MICU3: variants seen among roughly 807,000 people sequenced by gnomAD.
MICU3 encodes the protein calcium uptake protein 3, mitochondrial.
In MICU3, 62 loss-of-function variants were observed where a neutral mutation model predicts 66.5. That is an observed-to-expected ratio of 0.93 (90% CI 0.76 to 1.15). The LOEUF (loss-of-function observed/expected upper bound fraction) is 1.15, where lower values mean the gene tolerates loss of function less well. Ranked by LOEUF, MICU3 falls within the 50% of genes most tolerant of loss-of-function variation. MICU3 has a pLI of 0.00. For missense variants in MICU3, 779 were observed against 664.4 expected (o/e 1.17, Z -1.90); for synonymous variants, 308 against 240.7 (o/e 1.28, Z -2.59).
At chr8:17,088,676 C>T (rs1415339754) in intron 7 of MICU3, among the ~76,000 whole-genome samples, 1 of 151,772 alleles carries the variant, frequency 6.6e-6, no homozygotes, top group East Asian at 1.9e-4. Context: ...ACTTACACAT[C>T]TTCCAGTAAA....
the MICU3 span, among the ~76,000 whole-genome samples, chr8:17,134,431 T>TTTCG: frequency 2.7e-5 from 4 of 148,618 alleles, no homozygotes; most frequent in Non-Finnish European, 4.5e-5. Context: ...AAAGTCAGCC[T>TTTCG]TTTGTTTGTT....
chr8:17,086,649 C>G (rs968101296), intron 6 of MICU3, among the ~76,000 whole-genome samples: 1 of 152,082 alleles, frequency 6.6e-6, no homozygotes, highest in Admixed American at 6.6e-5. Flanking sequence ...CAAGTTCCAT[C>G]CCCCTGACTT....
At position 17,098,544 on chromosome 8, in the gene MICU3, C is replaced by T. The variant is rs747691787; in HGVS notation, c.975C>T (p.Asp325=). ...ACACAAGCCAAGCACTGTTTTCAGA[C>T]CTCGCAGAGGTATAATTAAACCTCA... ...RRNTSQALFS[D]LAERADDITS... Residue 325 remains aspartate (D), a synonymous_variant, in exon 9 of 15, where the codon GAC becomes GAT. Transcript: ENST00000318063. 1.9e-6 allele frequency: 3 copies of T among 1,606,212 alleles called. No individual in the cohort carries two copies. The highest frequency in any genetic ancestry group is 2.6e-6 in the Non-Finnish European group (3 of 1,173,372).
intron 8 of MICU3, 54 bp from the exon 9 acceptor site, chr8:17,098,401 TATC>T (rs1800951465): frequency 1.8e-6 from 2 of 1,098,494 alleles, no homozygotes; most frequent in South Asian, 2.5e-5. Context: ...GTGTATAAAT[TATC>T]ATTCTTTGTA....
intron 1 of MICU3, among the ~76,000 whole-genome samples, chr8:17,041,586 G>A (rs1814106473): frequency 6.6e-6 from 1 of 152,008 alleles, no homozygotes. Flanking sequence ...TGAGGGACAT[G>A]GAATTGATTT....
chr8:17,134,451 G>A, the MICU3 span, among the ~76,000 whole-genome samples: 9 of 151,570 alleles, frequency 5.9e-5, no homozygotes, highest in African/African-American at 2.2e-4. Context: ...TTGTTTGTTT[G>A]TTTGTTTGTT....
At chr8:17,109,022 T>C (rs1324333605) in intron 11 of MICU3, among the ~76,000 whole-genome samples, 1 of 152,142 alleles carries the variant, frequency 6.6e-6, no homozygotes, top group Non-Finnish European at 1.5e-5. Context: ...TGGCTCGTTA[T>C]GCTATTTCTC....
intron 13 of MICU3, among the ~76,000 whole-genome samples, 165 bp downstream of exon 13, chr8:17,116,765 G>T (rs1225803234): frequency 1.3e-5 from 2 of 152,086 alleles, no homozygotes; most frequent in Non-Finnish European, 2.9e-5. Context: ...AAAACAATTT[G>T]AGGTGATAAA....
chr8:17,115,249 T>C (rs1802577137), intron 12 of MICU3, among the ~76,000 whole-genome samples: 1 of 152,228 alleles, frequency 6.6e-6, no homozygotes, highest in African/African-American at 2.4e-5. Flanking sequence ...CATGTGGCCT[T>C]ATTCATTTAT....
At chr8:17,074,137 C>G (rs745809432) in intron 3 of MICU3, among the ~76,000 whole-genome samples, 2 of 151,662 alleles carry the variant, frequency 1.3e-5, no homozygotes, top group African/African-American at 2.4e-5. Flanking sequence ...CCGCCCGCCT[C>G]GGCCTCCCAA....
rs78699125 is a variant in MICU3 at position 17,044,110 on chromosome 8, C to T, written c.381+16450C>T. Among the ~76,000 whole-genome samples the T allele has an allele frequency of 8.7e-3, 1,326 of 152,206 alleles. 45 individuals carry two copies. The highest frequency in any genetic ancestry group is 0.071 in the East Asian group (365 of 5,168). On this transcript the variant is annotated intron_variant, in intron 1 of 14. Coordinates refer to ENST00000318063, the MANE Select transcript of MICU3 (RefSeq NM_181723.3). ...GAGAGCAACAATTTGTGTCTTTGTTCCTATACCCACACCTTTCACATAGCA... is the reference window on the plus strand; with the variant it reads ...GAGAGCAACAATTTGTGTCTTTGTTTCTATACCCACACCTTTCACATAGCA...
the MICU3 span, among the ~76,000 whole-genome samples, chr8:17,130,902 T>C: frequency 2.6e-5 from 4 of 152,228 alleles, no homozygotes; most frequent in African/African-American, 9.6e-5. Flanking sequence ...TTAATCAGTT[T>C]TTAATGAAGA....
At chr8:17,101,794 A>T (rs547214416) in intron 9 of MICU3, among the ~76,000 whole-genome samples, 1 of 151,870 alleles carries the variant, frequency 6.6e-6, no homozygotes, top group South Asian at 2.1e-4. Context: ...AAGAAGTAAG[A>T]GTGTATGATG....
chr8:17,112,658 TTA>T (rs1278758574), intron 11 of MICU3, among the ~76,000 whole-genome samples: 1 of 152,228 alleles, frequency 6.6e-6, no homozygotes, highest in Non-Finnish European at 1.5e-5. Flanking sequence ...ATGTTGAACA[TTA>T]TAGTCTGTCA....
chr8:17,104,318 T>C (rs929273678), intron 9 of MICU3, 73 bp from the exon 10 acceptor site: 10 of 637,694 alleles, frequency 1.6e-5, no homozygotes, highest in African/African-American at 3.8e-5. Context: ...ACAGAATTCT[T>C]TGAGAAATAT....
intron 1 of MICU3, among the ~76,000 whole-genome samples, chr8:17,048,150 CAA>C (rs1043776435): frequency 8.6e-5 from 13 of 151,934 alleles, no homozygotes; most frequent in Non-Finnish European, 2.9e-5. Flanking sequence ...ATGTTCGAAA[CAA>C]GATAAAAAGC....
At chr8:17,127,615 T>C (rs79313082), downstream of MICU3, among the ~76,000 whole-genome samples, 101 of 152,354 alleles carry the variant, frequency 6.6e-4, 1 homozygote, top group East Asian at 0.017. Context: ...ACTAAATAGA[T>C]TATGCTACTA....
chr8:17,133,371 C>T, the MICU3 span, among the ~76,000 whole-genome samples: 24 of 152,128 alleles, frequency 1.6e-4, no homozygotes, highest in Non-Finnish European at 3.2e-4. Context: ...TTATCTATTT[C>T]TGTCTTTTGC....
chr8:17,103,227 A>T (rs1223955135), intron 9 of MICU3, among the ~76,000 whole-genome samples: 1 of 151,946 alleles, frequency 6.6e-6, no homozygotes, highest in Non-Finnish European at 1.5e-5. Context: ...GTTATGAAGG[A>T]CAAAATTGCC....
Sources: gnomAD v4.1 joint callset for allele counts (sites outside exome capture counted in the v4.1 genomes callset) on GRCh38, gnomAD v4.1.1 for gene constraint, MANE v1.5 for transcripts, NCBI Gene and HGNC (gene_info 2026-07-23, HGNC 2026-07-21) for gene names.